Variants in ZNF90 observed in about 807,000 individuals in gnomAD.
The protein encoded by ZNF90 is zinc finger protein 90.
ZNF90 carries 11 observed loss-of-function variants against 12.0 expected under a neutral mutation model. The observed-to-expected ratio is 0.92, with a 90% CI of 0.58 to 1.52. ZNF90 has a LOEUF of 1.52. ZNF90 is among the 40% of genes most tolerant of loss of function. ZNF90 has a pLI of 0.00. For missense variants in ZNF90, 765 were observed against 711.5 expected, an observed-to-expected ratio of 1.08 and a Z score of -0.86; for synonymous variants, 232 against 240.1, an observed-to-expected ratio of 0.97 and a Z score of 0.31.
chr19:20,086,965 G>A (rs2088864280), intron 1 of ZNF90: 2 of 152,240 alleles, frequency 1.3e-5, no homozygotes, highest in African/African-American at 4.8e-5. Flanking sequence ...TATGTTGCAA[G>A]CTCTAATATG....
At position 20,101,079 on chromosome 19, in the gene ZNF90, C is replaced by G. The variant is rs182546210; in HGVS notation, c.4-3160C>G. Among the ~76,000 whole-genome samples the G allele has an allele frequency of 2.6e-5, 4 of 152,066 alleles. No homozygotes were observed. In the South Asian group the frequency reaches 8.3e-4, roughly 32 times the overall value. On this transcript the variant is annotated intron_variant, in intron 1 of 3. Transcript: ENST00000418063. ...CTCCAGCTGAGCTTTCACTTGCCGT[C>G]GACCACTGCTGTTTGCCGCCATCCC...
At chr19:20,085,657 A>T (rs1311470366) in intron 1 of ZNF90, among the ~76,000 whole-genome samples, 5 of 152,238 alleles carry the variant, frequency 3.3e-5, no homozygotes, top group Admixed American at 3.3e-4. Flanking sequence ...TACATTGTAC[A>T]AATTTCAGAT....
intron 1 of ZNF90, among the ~76,000 whole-genome samples, chr19:20,081,606 A>G (rs1156888965): frequency 6.6e-6 from 1 of 152,154 alleles, no homozygotes; most frequent in Admixed American, 6.5e-5. Context: ...ATCAACCTAA[A>G]GGTCTGGACC....
intron 3 of ZNF90, among the ~76,000 whole-genome samples, chr19:20,105,607 C>T (rs1219102120): frequency 1.3e-5 from 2 of 152,138 alleles, no homozygotes; most frequent in East Asian, 1.9e-4. Flanking sequence ...AATCTGGCTG[C>T]TTTTACATCG....
chr19:20,081,600 A>T (rs943778486), intron 1 of ZNF90, among the ~76,000 whole-genome samples: 1 of 152,020 alleles, frequency 6.6e-6, no homozygotes, highest in Non-Finnish European at 1.5e-5. Context: ...TTCTCCATCA[A>T]CCTAAAGGTC....
intron 3 of ZNF90, among the ~76,000 whole-genome samples, chr19:20,116,360 G>C (rs2089137411): frequency 6.6e-6 from 1 of 152,068 alleles, no homozygotes; most frequent in African/African-American, 2.4e-5. Flanking sequence ...AGTAGATACA[G>C]GGTTTCACCA....
chr19:20,102,000 C>T (rs1014961035), intron 1 of ZNF90, among the ~76,000 whole-genome samples: 7 of 152,180 alleles, frequency 4.6e-5, no homozygotes, highest in Admixed American at 4.6e-4. Context: ...GTCATAGCTT[C>T]TTATATGCCA....
Position 20,119,606 on chromosome 19 carries a change from T to C in ZNF90, c.*246T>C, listed in dbSNP as rs1555706367. On this transcript the variant is annotated 3_prime_UTR_variant, in exon 4 of 4. Transcript: ENST00000418063. ...GGTGTGAAAAATGCAGCAAAGCCTA[T>C]AACAAGTTCTCAATTCTTTTTTTTT... 2 of 388,548 alleles carry C rather than the reference T, an allele frequency of 5.1e-6. No homozygotes were observed. Among genetic ancestry groups the C allele is most frequent in the Non-Finnish European group, 9.1e-6 (2 of 220,478 alleles). 24.1% of individuals were successfully genotyped at this position (388,548 alleles called of 1,614,324 possible).
At chr19:20,113,645 C>G (rs1203756871) in intron 3 of ZNF90, among the ~76,000 whole-genome samples, 1 of 151,920 alleles carries the variant, frequency 6.6e-6, no homozygotes, top group South Asian at 2.1e-4. Flanking sequence ...CTGGCTAACA[C>G]GGTGAAACCC....
chr19:20,086,574 T>A (rs1245217202), intron 1 of ZNF90, among the ~76,000 whole-genome samples: 6 of 152,176 alleles, frequency 3.9e-5, no homozygotes, highest in African/African-American at 1.4e-4. Context: ...CTACTTACTT[T>A]GAATTAATCA....
chr19:20,104,143 A>G (rs1462572848), intron 1 of ZNF90, 96 bp from the exon 2 acceptor site: 4 of 1,557,558 alleles, frequency 2.6e-6, no homozygotes, highest in East Asian at 4.5e-5. Context: ...GTCAGAACCA[A>G]TTCTCTTTAC....
At chr19:20,095,932 T>C (rs1176527709) in intron 1 of ZNF90, among the ~76,000 whole-genome samples, 1 of 152,210 alleles carries the variant, frequency 6.6e-6, no homozygotes, top group African/African-American at 2.4e-5. Context: ...TCTGACACCC[T>C]TGAAACGTGA....
chr19:20,082,010 C>G (rs975196067), intron 1 of ZNF90, among the ~76,000 whole-genome samples: 1 of 151,916 alleles, frequency 6.6e-6, no homozygotes, highest in Non-Finnish European at 1.5e-5. Context: ...GTGATCCACC[C>G]GCCTCGGCCT....
At chr19:20,109,721 A>T (rs2089070281) in intron 3 of ZNF90, among the ~76,000 whole-genome samples, 1 of 152,076 alleles carries the variant, frequency 6.6e-6, no homozygotes, top group African/African-American at 2.4e-5. Context: ...AAAAAAAAAA[A>T]ATTAATAATA....
intron 1 of ZNF90, chr19:20,080,335 G>A (rs2088810563): frequency 2.0e-6 from 1 of 491,780 alleles, no homozygotes; most frequent in South Asian, 1.7e-5. Flanking sequence ...ACAACACTCT[G>A]AGCCACAGGA....
Position 20,117,878 on chromosome 19 carries a change from T to C in ZNF90, c.324T>C (p.Tyr108=). ...TGACAAGATATGAAAAACGTGAATA[T>C]GGCAATTTAGAGTTAAAAAAAGGTT... The part of the protein sequence containing the change: ...VIVTRYEKRE[Y]GNLELKKGCE... Residue 108 remains tyrosine, a synonymous_variant, in exon 4 of 4, where the codon TAT becomes TAC. Transcript: ENST00000418063. 6.2e-7 allele frequency: 1 copy of C among 1,611,270 alleles called. No individual in the cohort carries two copies. The highest frequency in any genetic ancestry group is 1.1e-5 in the South Asian group (1 of 90,672).
intron 1 of ZNF90, 87 bp downstream of exon 1, chr19:20,078,222 C>G (rs2088792287): frequency 1.4e-5 from 21 of 1,549,934 alleles, no homozygotes; most frequent in Non-Finnish European, 1.8e-5. Context: ...TAGGCCTCCC[C>G]GCAGTCAGCT....
At chr19:20,104,053 C>G (rs1186885923) in intron 1 of ZNF90, among the ~76,000 whole-genome samples, 186 bp from the exon 2 acceptor site, 2 of 152,098 alleles carry the variant, frequency 1.3e-5, no homozygotes, top group Non-Finnish European at 2.9e-5. Flanking sequence ...TCCTATTCTG[C>G]TCTTTTTTCT....
intron 3 of ZNF90, among the ~76,000 whole-genome samples, chr19:20,108,996 TAC>T (rs1408018900): frequency 1.3e-5 from 2 of 152,174 alleles, no homozygotes; most frequent in African/African-American, 4.8e-5. Context: ...GTGCTGGGAT[TAC>T]AGTCTTGAGC....
Sources: gnomAD v4.1 joint callset for allele counts (sites outside exome capture counted in the v4.1 genomes callset) on GRCh38, gnomAD v4.1.1 for gene constraint, MANE v1.5 for transcripts, NCBI Gene and HGNC (gene_info 2026-07-23, HGNC 2026-07-21) for gene names.